The following ANKRD11 variants were observed in gnomAD, a reference collection of about 807,000 sequenced individuals.
The protein encoded by ANKRD11 is ankyrin repeat domain 11, also known as ankyrin repeat domain-containing protein 11.
Under a neutral mutation model 195.7 loss-of-function variants are expected in ANKRD11, and 17 were observed. The observed-to-expected ratio is 0.09, with a 90% CI of 0.06 to 0.13. ANKRD11 has a LOEUF of 0.13. Among genes scored for constraint, ANKRD11 ranks in the 10% least tolerant of loss-of-function variants. ANKRD11 has a pLI of 1.00. For missense variants in ANKRD11, 3,735 were observed against 3,566.1 expected, an observed-to-expected ratio of 1.05 and a Z score of -1.21; for synonymous variants, 1,953 against 1,528.1, an observed-to-expected ratio of 1.28 and a Z score of -6.49.
intron 1 of ANKRD11, among the ~76,000 whole-genome samples, chr16:89,472,154 C>T (rs2057106209): frequency 6.6e-6 from 1 of 152,154 alleles, no homozygotes; most frequent in Non-Finnish European, 1.5e-5. Context: ...ACTTCCCATC[C>T]TTTTTCTGAG....
rs371142732 is a variant in ANKRD11, at chr16:89,285,395, T to C, written c.1147A>G (p.Ile383Val). The change falls in exon 9 of 13, where the codon ATA (isoleucine) becomes GTA (valine). Residue 383 changes from isoleucine (I) to valine (V), a missense_variant. By Grantham distance (29) the Ile-to-Val change is conservative. Coordinates refer to ENST00000301030, the MANE Select transcript of ANKRD11 (RefSeq NM_013275.6). This position sits in a 1 kb window ranked among gnomAD's most constrained non-coding sequence, Gnocchi z 5.6. ...KETKSNSFIS[I>V]PKMEVKSYTK... The stretch of plus-strand genomic sequence containing the variant: ...TAACTTTTAACCTCCATTTTGGGTA[T>C]AGAGATAAAACTATTGGATTTCGTT... 2.4e-5 allele frequency: 38 copies of C among 1,614,078 alleles called. No individual in the cohort carries two copies. The highest frequency in any genetic ancestry group is 1.6e-4 in the Middle Eastern group (1 of 6,084).
chr16:89,360,560 C>T (rs1248680409), intron 2 of ANKRD11: 1 of 152,214 alleles, frequency 6.6e-6, no homozygotes, highest in Non-Finnish European at 1.5e-5. Flanking sequence ...CCAATATTTA[C>T]TTTCACCACT....
chr16:89,451,769 C>T (rs1007532443), intron 1 of ANKRD11, among the ~76,000 whole-genome samples: 27 of 152,032 alleles, frequency 1.8e-4, no homozygotes, highest in African/African-American at 6.5e-4. Flanking sequence ...CACTGAACGG[C>T]ATACTTACAA....
intron 4 of ANKRD11, among the ~76,000 whole-genome samples, chr16:89,301,855 G>T (rs904525409): frequency 2.6e-5 from 4 of 152,192 alleles, no homozygotes; most frequent in African/African-American, 9.7e-5. Flanking sequence ...GGGCAGGGCC[G>T]ACTCAACCCT....
At chr16:89,386,209 C>T (rs2040903503) in intron 2 of ANKRD11, among the ~76,000 whole-genome samples, 1 of 152,062 alleles carries the variant, frequency 6.6e-6, no homozygotes, top group Non-Finnish European at 1.5e-5. Flanking sequence ...AATGGAAATC[C>T]ACACTACAAG....
At chr16:89,364,619 C>A (rs1432996187) in intron 2 of ANKRD11, among the ~76,000 whole-genome samples, 1 of 152,176 alleles carries the variant, frequency 6.6e-6, no homozygotes, top group Non-Finnish European at 1.5e-5. Context: ...CTGGCTTGGG[C>A]CACACATAAA....
chr16:89,294,459 T>C (rs2035278739), intron 4 of ANKRD11, among the ~76,000 whole-genome samples: 1 of 152,162 alleles, frequency 6.6e-6, no homozygotes, highest in South Asian at 2.1e-4. Context: ...AACAAGCACC[T>C]GCAGCTACGA....
chr16:89,363,650 T>A (rs1263928049), intron 2 of ANKRD11, among the ~76,000 whole-genome samples: 1 of 152,208 alleles, frequency 6.6e-6, no homozygotes, highest in Non-Finnish European at 1.5e-5. Context: ...ACTCACTTTA[T>A]GTCCACCAAG....
intron 1 of ANKRD11, among the ~76,000 whole-genome samples, chr16:89,477,233 C>T (rs1289320582): frequency 6.6e-6 from 1 of 151,194 alleles, no homozygotes; most frequent in Non-Finnish European, 1.5e-5. Flanking sequence ...CACTCTGGTG[C>T]CCAAGCTGGA....
intron 3 of ANKRD11, among the ~76,000 whole-genome samples, chr16:89,309,943 T>G (rs1030139962): frequency 1.3e-5 from 2 of 152,146 alleles, no homozygotes; most frequent in Admixed American, 1.3e-4. Flanking sequence ...CTTCTCCTCC[T>G]TATGACACGA....
chr16:89,365,464 T>G (rs1412664118), intron 2 of ANKRD11, among the ~76,000 whole-genome samples: 2 of 152,186 alleles, frequency 1.3e-5, no homozygotes, highest in African/African-American at 4.8e-5. Flanking sequence ...ATGAGAGGCC[T>G]GTGCTTGGTC....
At chr16:89,358,241 G>A (rs773139037) in intron 2 of ANKRD11, among the ~76,000 whole-genome samples, 13 of 152,330 alleles carry the variant, frequency 8.5e-5, no homozygotes, top group Admixed American at 3.9e-4. Flanking sequence ...CACTGGTCCC[G>A]CATGGAGCTG....
intron 1 of ANKRD11, among the ~76,000 whole-genome samples, chr16:89,444,676 T>C (rs1306522974): frequency 6.6e-6 from 1 of 152,104 alleles, no homozygotes; most frequent in Non-Finnish European, 1.5e-5. Context: ...CCAGGCATAG[T>C]GGCTCACGCT....
chr16:89,331,536 A>C (rs1333648538), intron 2 of ANKRD11, among the ~76,000 whole-genome samples: 3 of 152,334 alleles, frequency 2.0e-5, no homozygotes, highest in South Asian at 2.1e-4. Context: ...AGAAAATGGC[A>C]CATTTAGGAA....
intron 2 of ANKRD11, among the ~76,000 whole-genome samples, chr16:89,396,687 G>A (rs2041447771): frequency 1.3e-5 from 2 of 152,100 alleles, no homozygotes; most frequent in Admixed American, 6.6e-5. Flanking sequence ...GCTATTTGTT[G>A]TTGTTGCTGT....
At chr16:89,315,067 G>A (rs2036865347) in intron 3 of ANKRD11, among the ~76,000 whole-genome samples, 1 of 152,184 alleles carries the variant, frequency 6.6e-6, no homozygotes, top group African/African-American at 2.4e-5. Context: ...GAACATGACA[G>A]GTTTTTGATC....
chr16:89,470,277 G>T (rs1306897453), intron 1 of ANKRD11, among the ~76,000 whole-genome samples: 1 of 152,060 alleles, frequency 6.6e-6, no homozygotes, highest in Admixed American at 6.6e-5. Flanking sequence ...CTTACTCATG[G>T]TCATAGCTTA....
intron 2 of ANKRD11, among the ~76,000 whole-genome samples, chr16:89,337,081 G>A (rs997251537): frequency 5.3e-5 from 8 of 151,196 alleles, no homozygotes; most frequent in Non-Finnish European, 1.2e-4. Flanking sequence ...AGCTATTTGG[G>A]AGGCTGAGAT....
intron 1 of ANKRD11, among the ~76,000 whole-genome samples, chr16:89,441,199 G>GCACT (rs751769739): frequency 3.1e-4 from 47 of 151,962 alleles, no homozygotes; most frequent in Middle Eastern, 3.4e-3. Flanking sequence ...TCGAGCCACT[G>GCACT]CACTCCAGCC....
Sources: gnomAD v4.1 joint callset for allele counts (sites outside exome capture counted in the v4.1 genomes callset) on GRCh38, gnomAD v4.1.1 for gene constraint, Gnocchi (gnomAD v3.1) non-coding constraint, MANE v1.5 for transcripts, NCBI Gene and HGNC (gene_info 2026-07-23, HGNC 2026-07-21) for gene names.